VPS13B: variants seen among roughly 807,000 people sequenced by gnomAD.
VPS13B encodes the protein vacuolar protein sorting 13 homolog B.
In VPS13B, 285 loss-of-function variants were observed where a neutral mutation model predicts 426.4. The ratio of observed to expected loss-of-function variants is 0.67; its 90% CI spans 0.61 to 0.74. VPS13B has a LOEUF of 0.74. VPS13B is among the 30% of genes least tolerant of loss of function. The pLI, the probability that VPS13B is intolerant of heterozygous loss-of-function variation, is 0.00. For missense variants in VPS13B, 4,537 were observed against 4,782.6 expected (o/e 0.95, Z 1.51); for synonymous variants, 1,676 against 1,676.4 (o/e 1.00, Z 0.01).
chr8:99,668,630 A>G (rs1830580913), intron 35 of VPS13B, among the ~76,000 whole-genome samples: 1 of 152,108 alleles, frequency 6.6e-6, no homozygotes, highest in South Asian at 2.1e-4. Flanking sequence ...GTAGGTCCCA[A>G]CTTCTACATC....
At chr8:99,545,178 T>C (rs571408518) in intron 30 of VPS13B, among the ~76,000 whole-genome samples, 36 of 152,350 alleles carry the variant, frequency 2.4e-4, no homozygotes, top group Admixed American at 3.9e-4. Flanking sequence ...TACTGTGATA[T>C]TCTATTGCAT....
At chr8:99,173,096 T>G (rs751746933) in intron 16 of VPS13B, among the ~76,000 whole-genome samples, 4 of 152,178 alleles carry the variant, frequency 2.6e-5, no homozygotes, top group Non-Finnish European at 4.4e-5. Flanking sequence ...TTGAGGGACT[T>G]CTAAGTTCCC....
intron 3 of VPS13B, among the ~76,000 whole-genome samples, chr8:99,048,247 G>T (rs773028547): frequency 6.6e-6 from 1 of 152,086 alleles, no homozygotes; most frequent in African/African-American, 2.4e-5. Context: ...TAAATTTATT[G>T]AGGCTTGTTC....
chr8:99,818,517 C>T lies in VPS13B; in HGVS notation c.8428C>T (p.Gln2810Ter), dbSNP rs1814175154. 1.2e-6 allele frequency: 2 copies of T among 1,614,044 alleles called. No homozygotes were observed. The highest frequency in any genetic ancestry group is 2.2e-5 in the East Asian group (1 of 44,858). Residue 2810 changes from glutamine to a stop codon, truncating the protein, a stop_gained, in exon 46 of 62, where the codon CAA becomes TAA. Transcript: ENST00000357162. LOFTEE classifies it high-confidence loss of function. ...AGTTTTGACTTTAGAACCCAACTCT[C>T]AAGTGCAACAACGAATGGTGAGTGC... Reference protein sequence around the residue: ...CTVLTLEPNSQVQQRMIVFSP... With the variant: ...CTVLTLEPNS
chr8:99,737,103 C>CTTTTTTT (rs1156447524), intron 39 of VPS13B, among the ~76,000 whole-genome samples: 2 of 50,660 alleles, frequency 3.9e-5, no homozygotes, highest in African/African-American at 1.7e-4. Context: ...TGAAGATGTC[C>CTTTTTTT]TTCTTTTTTT....
At chr8:99,195,653 A>G (rs1209596489) in intron 17 of VPS13B, among the ~76,000 whole-genome samples, 1 of 152,140 alleles carries the variant, frequency 6.6e-6, no homozygotes, top group Non-Finnish European at 1.5e-5. Context: ...AGACCAATGA[A>G]GCTTTGTCCA....
chr8:99,325,699 T>A (rs897468097), intron 19 of VPS13B, among the ~76,000 whole-genome samples: 1 of 152,186 alleles, frequency 6.6e-6, no homozygotes, highest in African/African-American at 2.4e-5. Flanking sequence ...AAGGACCTAG[T>A]CAAGATGTTT....
At chr8:99,500,285 G>A (rs1821158027) in intron 25 of VPS13B, among the ~76,000 whole-genome samples, 1 of 152,070 alleles carries the variant, frequency 6.6e-6, no homozygotes, top group East Asian at 1.9e-4. Context: ...TAAACTATTG[G>A]AGGTTGAGGA....
intron 19 of VPS13B, among the ~76,000 whole-genome samples, chr8:99,301,646 G>C (rs1350096080): frequency 6.6e-6 from 1 of 152,030 alleles, no homozygotes; most frequent in Admixed American, 6.5e-5. Flanking sequence ...AGCTTATTCA[G>C]TAAAAAGTTG....
chr8:99,787,875 A>C (rs1034202793), intron 43 of VPS13B, among the ~76,000 whole-genome samples: 1 of 152,090 alleles, frequency 6.6e-6, no homozygotes, highest in Non-Finnish European at 1.5e-5. Flanking sequence ...AGCCTCAAAC[A>C]TGTATAATTT....
intron 19 of VPS13B, among the ~76,000 whole-genome samples, chr8:99,310,431 TC>T (rs963390334): frequency 3.3e-5 from 5 of 152,252 alleles, no homozygotes; most frequent in African/African-American, 9.6e-5. Flanking sequence ...CTTTTCTGCA[TC>T]TATTGAGATA....
intron 21 of VPS13B, among the ~76,000 whole-genome samples, chr8:99,409,667 C>T (rs1588342774): frequency 6.6e-6 from 1 of 152,222 alleles, no homozygotes; most frequent in East Asian, 1.9e-4. Context: ...TCTTTTTCCG[C>T]TCTCCACTTA....
intron 52 of VPS13B, among the ~76,000 whole-genome samples, chr8:99,834,704 G>A (rs1326155211): frequency 1.3e-5 from 2 of 152,048 alleles, no homozygotes; most frequent in Non-Finnish European, 2.9e-5. Context: ...GACCACAAGT[G>A]TGCACCACAG....
intron 33 of VPS13B, among the ~76,000 whole-genome samples, chr8:99,588,225 G>A (rs1367954461): frequency 6.6e-6 from 1 of 151,662 alleles, no homozygotes; most frequent in Non-Finnish European, 1.5e-5. Flanking sequence ...CTGTAGCCTT[G>A]TAGTATAGTT....
intron 30 of VPS13B, among the ~76,000 whole-genome samples, chr8:99,523,618 C>A (rs923961420): frequency 6.6e-6 from 1 of 152,194 alleles, no homozygotes; most frequent in African/African-American, 2.4e-5. Context: ...TTATCCAAGA[C>A]TACCAAGGTG....
At chr8:99,188,062 T>TTTA (rs1464181543) in intron 16 of VPS13B, among the ~76,000 whole-genome samples, 1 of 149,416 alleles carries the variant, frequency 6.7e-6, no homozygotes, top group Non-Finnish European at 1.5e-5. Context: ...CATTTTTTTT[T>TTTA]TTTTTTTTTT....
chr8:99,436,730 T>C (rs890019218), intron 22 of VPS13B, among the ~76,000 whole-genome samples: 3 of 152,110 alleles, frequency 2.0e-5, no homozygotes, highest in African/African-American at 7.2e-5. Flanking sequence ...ATCTGAGTTT[T>C]ATTTATTTTA....
chr8:99,317,297 A>G (rs1347902375), intron 19 of VPS13B, among the ~76,000 whole-genome samples: 2 of 152,176 alleles, frequency 1.3e-5, no homozygotes, highest in East Asian at 1.9e-4. Context: ...GTTTCAATAC[A>G]TGTATACATT....
intron 51 of VPS13B, 146 bp downstream of exon 51, chr8:99,824,124 C>T (rs1323026732): frequency 9.9e-7 from 1 of 1,006,400 alleles, no homozygotes; most frequent in Non-Finnish European, 1.5e-6. Flanking sequence ...TAATTAAAAC[C>T]ATGAATGTCA....
Sources: gnomAD v4.1 joint callset for allele counts (sites outside exome capture counted in the v4.1 genomes callset) on GRCh38, gnomAD v4.1.1 for gene constraint, MANE v1.5 for transcripts, NCBI Gene and HGNC (gene_info 2026-07-23, HGNC 2026-07-21) for gene names.